The following PRKG1 variants were observed in gnomAD, a reference collection of about 807,000 sequenced individuals.
PRKG1 encodes the protein cGMP-dependent protein kinase 1.
In PRKG1, 35 loss-of-function variants were observed where a neutral mutation model predicts 88.1. The ratio of observed to expected loss-of-function variants is 0.40; its 90% CI spans 0.30 to 0.53. PRKG1 has a LOEUF of 0.53. PRKG1 is among the 20% of genes least tolerant of loss of function. The probability of loss-of-function intolerance (pLI) is 0.59; values close to 1 mark genes in which losing one functional copy is unlikely to be tolerated. For synonymous variants in PRKG1, 303 were observed against 292.5 expected (o/e 1.04, Z -0.37); for missense variants, 540 against 839.8 (o/e 0.64, Z 4.41).
intron 2 of PRKG1, among the ~76,000 whole-genome samples, chr10:51,174,953 A>G (rs976926799): frequency 5.3e-5 from 8 of 151,990 alleles, no homozygotes; most frequent in African/African-American, 1.9e-4. Flanking sequence ...GCTCTGTTAT[A>G]CACGTGCAAC....
chr10:52,223,250 G>A lies in PRKG1; in HGVS notation c.1077-28320G>A, dbSNP rs574747829. On this transcript the variant is annotated intron_variant, in intron 9 of 17. Coordinates refer to ENST00000373980, the MANE Select transcript of PRKG1 (RefSeq NM_006258.4). The stretch of plus-strand genomic sequence containing the variant: ...AATTCCTCACCTCCCATCCTCTCCC[G>A]GAGCTTTTATCCATACTGCTCTACC... 3.6e-4 allele frequency among the ~76,000 whole-genome samples: 55 copies of A among 152,032 alleles called. 2 individuals carry two copies. The highest frequency in any genetic ancestry group is 6.8e-3 in the Middle Eastern group (2 of 294).
chr10:51,515,645 A>AT (rs779310799), intron 3 of PRKG1, among the ~76,000 whole-genome samples: 21 of 152,056 alleles, frequency 1.4e-4, no homozygotes, highest in Non-Finnish European at 2.4e-4. Flanking sequence ...TAATATTGCC[A>AT]TTTTTCGTCA....
rs144910473 is a variant in PRKG1, at chr10:51,215,431, C to T, written c.478+62101C>T. Among the ~76,000 whole-genome samples the T allele has an allele frequency of 2.9e-3, 434 of 152,194 alleles. 3 individuals are homozygous for T. Among genetic ancestry groups the T allele is most frequent in the African/African-American group, 9.3e-3 (385 of 41,502 alleles). ...AGCTGGTCTCCATGGAGGTCATATA[C>T]ATATTTTCTTAGGAGGAGTGAGAAC... On this transcript the variant is annotated intron_variant, in intron 2 of 17. Coordinates refer to ENST00000373980, the MANE Select transcript of PRKG1 (RefSeq NM_006258.4).
intron 3 of PRKG1, among the ~76,000 whole-genome samples, chr10:51,686,268 C>A (rs112225419): frequency 0.02 from 2,990 of 152,130 alleles, 102 homozygotes; most frequent in African/African-American, 0.069. Context: ...GCATAGTACC[C>A]AAAAGGCATT....
At chr10:51,738,360 G>A (rs1425961168) in intron 3 of PRKG1, among the ~76,000 whole-genome samples, 1 of 152,202 alleles carries the variant, frequency 6.6e-6, no homozygotes, top group Non-Finnish European at 1.5e-5. Context: ...GGAAATAGAA[G>A]AGCAAGTCAC....
chr10:51,409,325 T>C (rs779993143), intron 2 of PRKG1, among the ~76,000 whole-genome samples: 8 of 152,098 alleles, frequency 5.3e-5, no homozygotes, highest in Non-Finnish European at 7.3e-5. Context: ...GTGGAGACCA[T>C]GGGCATTTGA....
At chr10:51,949,814 T>C (rs1843142191) in intron 5 of PRKG1, among the ~76,000 whole-genome samples, 2 of 152,210 alleles carry the variant, frequency 1.3e-5, no homozygotes, top group Non-Finnish European at 2.9e-5. Flanking sequence ...CTGAATTTCA[T>C]CATCATGTCA....
intron 3 of PRKG1, among the ~76,000 whole-genome samples, chr10:51,752,028 C>T (rs1399386722): frequency 6.6e-6 from 1 of 152,070 alleles, no homozygotes; most frequent in Non-Finnish European, 1.5e-5. Context: ...ATCTTTAAAC[C>T]TTTCCTTAGT....
At chr10:51,442,978 G>GC (rs1240316111) in intron 2 of PRKG1, among the ~76,000 whole-genome samples, 30 of 152,088 alleles carry the variant, frequency 2.0e-4, no homozygotes, top group African/African-American at 5.5e-4. Context: ...AAGCTGCCAG[G>GC]CCAGCACCAT....
chr10:51,537,817 C>T (rs1842196219), intron 3 of PRKG1, among the ~76,000 whole-genome samples: 1 of 151,162 alleles, frequency 6.6e-6, no homozygotes, highest in African/African-American at 2.4e-5. Context: ...TTTAATTGTT[C>T]AGGGCCTGCT....
chr10:51,028,148 G>A (rs1843233236), intron 1 of PRKG1, among the ~76,000 whole-genome samples: 1 of 152,054 alleles, frequency 6.6e-6, no homozygotes, highest in Non-Finnish European at 1.5e-5. Flanking sequence ...TAACTCTGGT[G>A]CCCCATATTA....
At chr10:52,196,013 T>C (rs1310923541) in intron 9 of PRKG1, among the ~76,000 whole-genome samples, 2 of 151,640 alleles carry the variant, frequency 1.3e-5, no homozygotes, top group Admixed American at 1.3e-4. Context: ...TGTTTTTTGT[T>C]TTTTGTTTTT....
intron 2 of PRKG1, among the ~76,000 whole-genome samples, chr10:51,219,683 C>T (rs1838475279): frequency 6.6e-6 from 1 of 151,520 alleles, no homozygotes; most frequent in South Asian, 2.1e-4. Context: ...GCACTAAAGC[C>T]TGGGCCACAG....
intron 3 of PRKG1, among the ~76,000 whole-genome samples, chr10:51,613,384 A>G (rs1838962521): frequency 6.6e-6 from 1 of 151,298 alleles, no homozygotes. Flanking sequence ...TTCATTTCTG[A>G]TTTTGTTTAT....
intron 1 of PRKG1, among the ~76,000 whole-genome samples, chr10:51,100,784 A>T (rs1293786543): frequency 1.3e-5 from 2 of 152,196 alleles, no homozygotes; most frequent in African/African-American, 4.8e-5. Context: ...TTAAAGGAAG[A>T]TGGAGAAAAT....
rs565950685 is a variant in PRKG1, at chr10:51,661,128, T to G, written c.593-143457T>G. On this transcript the variant is annotated intron_variant, in intron 3 of 17. Coordinates refer to ENST00000373980, the MANE Select transcript of PRKG1 (RefSeq NM_006258.4). ...AAAGAAAAGCCTAGATATAGGAGAC[T>G]AGGTATTCAACTTTGTATTTCCATT... is the stretch of plus-strand genomic sequence containing the variant. 2.6e-5 allele frequency among the ~76,000 whole-genome samples: 4 copies of G among 152,188 alleles called. No homozygotes were observed. The East Asian group carries it at 5.8e-4, about 22-fold the overall frequency.
intron 3 of PRKG1, among the ~76,000 whole-genome samples, chr10:51,470,513 T>C (rs1249482828): frequency 1.3e-5 from 2 of 151,952 alleles, no homozygotes; most frequent in South Asian, 4.1e-4. Context: ...TCTATTTTCC[T>C]TGATTAGCCT....
Position 51,829,871 on chromosome 10 carries a change from G to T in PRKG1, c.698+25181G>T, listed in dbSNP as rs12268169. On this transcript the variant is annotated intron_variant, in intron 4 of 17. Transcript: ENST00000373980. ...CCCTACCACTGTCTTGTTCCAACAA[G>T]GCCAGGGGAAGCAGGTTGCACTGAT... 4.2e-3 allele frequency among the ~76,000 whole-genome samples: 645 copies of T among 152,278 alleles called. 5 individuals carry two copies. The highest frequency in any genetic ancestry group is 0.014 in the African/African-American group (602 of 41,574).
intron 6 of PRKG1, 35 bp from the exon 7 acceptor site, chr10:52,062,502 C>A: frequency 7.4e-7 from 1 of 1,346,826 alleles, no homozygotes. Flanking sequence ...TGTGGGTAAG[C>A]AGTGGATCTA....
Sources: gnomAD v4.1 joint callset for allele counts (sites outside exome capture counted in the v4.1 genomes callset) on GRCh38, gnomAD v4.1.1 for gene constraint, MANE v1.5 for transcripts, NCBI Gene and HGNC (gene_info 2026-07-23, HGNC 2026-07-21) for gene names.